Variants in SNX4 observed in about 807,000 individuals in gnomAD.
The protein encoded by SNX4 is sorting nexin-4.
Under a neutral mutation model 70.8 loss-of-function variants are expected in SNX4, and 49 were observed. That is an observed-to-expected ratio of 0.69 (90% confidence interval 0.55 to 0.88). SNX4 has a LOEUF of 0.88. Among genes scored for constraint, SNX4 ranks in the 40% least tolerant of loss-of-function variants. The pLI is 0.00. For missense variants in SNX4, 528 were observed against 544.8 expected, an observed-to-expected ratio of 0.97 and a Z score of 0.31; for synonymous variants, 206 against 183.8, an observed-to-expected ratio of 1.12 and a Z score of -0.98.
intron 6 of SNX4, among the ~76,000 whole-genome samples, chr3:125,483,841 A>T (rs1183173063): frequency 1.3e-5 from 2 of 152,242 alleles, no homozygotes; most frequent in African/African-American, 4.8e-5. Context: ...TAAAGGAATG[A>T]ATTTTCTGAA....
intron 1 of SNX4, among the ~76,000 whole-genome samples, chr3:125,510,952 C>T (rs1408899852): frequency 6.6e-6 from 1 of 152,222 alleles, no homozygotes; most frequent in South Asian, 2.1e-4. Flanking sequence ...CAGTTTCGCT[C>T]TTACCGCCTA....
chr3:125,495,250 TTATATATA>T lies in SNX4; in HGVS notation c.597+2083_597+2090del, dbSNP rs759787193. ...GAAATGTGATACACTCATTCTCTCT[TTATATATA>T]TATATATATATATATATATACACAT... On this transcript the variant is annotated intron_variant, in intron 5 of 13. Coordinates refer to ENST00000251775, the MANE Select transcript of SNX4 (RefSeq NM_003794.4). 1.5e-3 allele frequency among the ~76,000 whole-genome samples: 59 copies of T among 38,158 alleles called. 4 individuals are homozygous for T. Among genetic ancestry groups the T allele is most frequent in the South Asian group, 4.5e-3 (4 of 894 alleles). The allele number at this position is 38,158 out of a possible 152,430, so 25.0% of individuals were successfully genotyped here. A position where few individuals can be genotyped will look rare whatever the true frequency, so the allele number is the denominator to read the frequency against.
chr3:125,465,421 G>C (rs1022640904), intron 9 of SNX4, among the ~76,000 whole-genome samples: 11 of 150,596 alleles, frequency 7.3e-5, no homozygotes, highest in African/African-American at 2.7e-4. Context: ...AATTTATTTT[G>C]TATTTTTAGT....
Position 125,473,662 on chromosome 3 carries a change from G to A in SNX4, c.788+3033C>T, listed in dbSNP as rs368641494. 5.5e-4 allele frequency among the ~76,000 whole-genome samples: 84 copies of A among 152,200 alleles called. 1 individual carries two copies. Among genetic ancestry groups the A allele is most frequent in the African/African-American group, 1.8e-3 (74 of 41,546 alleles). ...ACTCCTGACCTCAAGTGATCTGCCCGCATCGGCCTCTCAAAGTGCTGGGAT... is the reference window on the plus strand; with the variant it reads ...ACTCCTGACCTCAAGTGATCTGCCCACATCGGCCTCTCAAAGTGCTGGGAT... On this transcript the variant is annotated intron_variant, in intron 8 of 13. Transcript: ENST00000251775.
At chr3:125,449,478 C>G (rs1933521130) in intron 13 of SNX4, among the ~76,000 whole-genome samples, 1 of 151,752 alleles carries the variant, frequency 6.6e-6, no homozygotes, top group South Asian at 2.1e-4. Context: ...CCAGCCTAGT[C>G]TTGAACTCCT....
chr3:125,508,294 G>A (rs1452706955), intron 1 of SNX4, among the ~76,000 whole-genome samples: 1 of 152,190 alleles, frequency 6.6e-6, no homozygotes, highest in Non-Finnish European at 1.5e-5. Flanking sequence ...AAGGCCAGGT[G>A]CGGTGGCTCA....
chr3:125,467,084 C>CAGA (rs1451069168), intron 9 of SNX4, among the ~76,000 whole-genome samples: 16 of 74,560 alleles, frequency 2.1e-4, no homozygotes, highest in South Asian at 4.4e-4. Context: ...CTCTGTCTTC[C>CAGA]AAAAAAAAAA....
intron 5 of SNX4, among the ~76,000 whole-genome samples, chr3:125,494,882 A>G (rs191678956): frequency 6.6e-6 from 1 of 152,264 alleles, no homozygotes; most frequent in East Asian, 1.9e-4. Context: ...CTCACGCCAA[A>G]TGTACCCATT....
At chr3:125,483,143 TATAA>T (rs1249322455) in intron 6 of SNX4, among the ~76,000 whole-genome samples, 5 of 149,024 alleles carry the variant, frequency 3.4e-5, no homozygotes, top group Non-Finnish European at 7.4e-5. Flanking sequence ...TAAATTTATA[TATAA>T]ATATATATAA....
At chr3:125,467,256 G>A (rs1429804961) in intron 9 of SNX4, among the ~76,000 whole-genome samples, 2 of 151,554 alleles carry the variant, frequency 1.3e-5, no homozygotes, top group Admixed American at 6.6e-5. Context: ...GTGTGGTGGT[G>A]GGCGCCTGTA....
chr3:125,517,479 T>C (rs72977791), intron 1 of SNX4, among the ~76,000 whole-genome samples: 5,703 of 151,826 alleles, frequency 0.038, 299 homozygotes, highest in African/African-American at 0.12. Flanking sequence ...ACAGACTGAG[T>C]GAGAGAGAGT....
intron 5 of SNX4, among the ~76,000 whole-genome samples, chr3:125,490,651 A>ATT (rs1559819811): frequency 6.6e-6 from 1 of 152,054 alleles, no homozygotes; most frequent in Non-Finnish European, 1.5e-5. Flanking sequence ...CTTTTTAACT[A>ATT]TTTTCTTCAC....
chr3:125,468,851 TAA>T (rs58480078), intron 9 of SNX4, among the ~76,000 whole-genome samples: 324 of 134,004 alleles, frequency 2.4e-3, no homozygotes, highest in East Asian at 6.9e-3. Flanking sequence ...CTAGTCTCTT[TAA>T]AAAAAAAAAA....
rs756006470 is a variant in SNX4 at position 125,480,239 on chromosome 3, C to T, written c.726+8G>A. ...ATGTGCATCAAAAAGCTTTTGGGGACCACTTACAGCTCTGACTCGAAGAAG... is the reference window on the plus strand; with the variant it reads ...ATGTGCATCAAAAAGCTTTTGGGGATCACTTACAGCTCTGACTCGAAGAAG... On this transcript the variant is annotated splice_region_variant and intron_variant, in intron 7 of 13. Transcript: ENST00000251775. The T allele has an allele frequency of 2.0e-6, 3 of 1,518,412 alleles. No homozygotes were observed. Among genetic ancestry groups the T allele is most frequent in the Non-Finnish European group, 2.7e-6 (3 of 1,126,740 alleles). The allele number at this position is 1,518,412 out of a possible 1,614,324, so 94.1% of individuals were successfully genotyped here.
intron 7 of SNX4, among the ~76,000 whole-genome samples, chr3:125,477,503 A>C (rs1205911625): frequency 6.6e-6 from 1 of 152,212 alleles, no homozygotes; most frequent in African/African-American, 2.4e-5. Flanking sequence ...CTGGAAGACC[A>C]AAGGCTCATC....
intron 1 of SNX4, among the ~76,000 whole-genome samples, chr3:125,506,812 G>A (rs1935052670): frequency 4.7e-5 from 1 of 21,252 alleles, no homozygotes; most frequent in African/African-American, 1.3e-4. Flanking sequence ...AAGATGTGGA[G>A]AAAGTAAAAA....
intron 8 of SNX4, 97 bp downstream of exon 8, chr3:125,476,595 AAAT>A: frequency 1.3e-6 from 1 of 765,744 alleles, no homozygotes; most frequent in Non-Finnish European, 2.2e-6. Flanking sequence ...ACAAAAAAAG[AAAT>A]AATCTTCTCT....
intron 2 of SNX4, among the ~76,000 whole-genome samples, chr3:125,499,743 G>A (rs1580003708): frequency 6.9e-6 from 1 of 145,816 alleles, no homozygotes; most frequent in Middle Eastern, 3.5e-3. Flanking sequence ...AGGGCTGATA[G>A]AAGGTCTGCA....
chr3:125,504,486 A>G (rs1343978100), intron 2 of SNX4, 137 bp downstream of exon 2: 1 of 844,922 alleles, frequency 1.2e-6, no homozygotes, highest in African/African-American at 1.7e-5. Context: ...CCTGTCTCAA[A>G]AAAAAGTAAA....
Sources: allele counts gnomAD v4.1 joint callset (sites outside exome capture counted in the v4.1 genomes callset), GRCh38; gene constraint gnomAD v4.1.1; transcripts MANE v1.5; gene names NCBI Gene and HGNC (gene_info 2026-07-23, HGNC 2026-07-21).